RGS17: variants seen among roughly 807,000 people sequenced by gnomAD.
RGS17 encodes the protein regulator of G protein signaling 17, also known as regulator of G-protein signaling 17.
Under a neutral mutation model 25.5 loss-of-function variants are expected in RGS17, and 12 were observed. The ratio of observed to expected loss-of-function variants is 0.47; its 90% CI spans 0.30 to 0.76. RGS17 has a LOEUF of 0.76. Among genes scored for constraint, RGS17 ranks in the 30% least tolerant of loss-of-function variants. RGS17 has a pLI of 0.07. For synonymous variants in RGS17, 71 were observed against 76.9 expected, an observed-to-expected ratio of 0.92 and a Z score of 0.40; for missense variants, 196 against 242.2, an observed-to-expected ratio of 0.81 and a Z score of 1.27.
chr6:153,077,158 T>A (rs949650040), intron 1 of RGS17, among the ~76,000 whole-genome samples: 12 of 152,138 alleles, frequency 7.9e-5, no homozygotes, highest in South Asian at 6.2e-4. Context: ...CTAGACCTAA[T>A]TTTCAAGTTA....
chr6:153,129,387 T>C (rs1777750980), intron 1 of RGS17, among the ~76,000 whole-genome samples: 1 of 152,232 alleles, frequency 6.6e-6, no homozygotes, highest in Non-Finnish European at 1.5e-5. Context: ...GCATATTTCT[T>C]GGATAATACT....
At chr6:153,037,023 A>G (rs1776253542) in intron 2 of RGS17, among the ~76,000 whole-genome samples, 1 of 152,174 alleles carries the variant, frequency 6.6e-6, no homozygotes, top group African/African-American at 2.4e-5. Context: ...ATAAGGTGGA[A>G]AAGATATTTG....
chr6:153,106,923 C>G (rs886454298), intron 1 of RGS17, among the ~76,000 whole-genome samples: 1 of 152,036 alleles, frequency 6.6e-6, no homozygotes, highest in African/African-American at 2.4e-5. Flanking sequence ...CGTCAGCCAC[C>G]GTGCCTGGCT....
intron 1 of RGS17, among the ~76,000 whole-genome samples, chr6:153,084,963 T>C (rs1458928048): frequency 6.6e-6 from 1 of 152,190 alleles, no homozygotes; most frequent in Non-Finnish European, 1.5e-5. Context: ...TATTTGTAAA[T>C]AAGATAACGT....
intron 1 of RGS17, among the ~76,000 whole-genome samples, chr6:153,120,756 T>C (rs1296915068): frequency 6.6e-6 from 1 of 152,246 alleles, no homozygotes; most frequent in Non-Finnish European, 1.5e-5. Flanking sequence ...CTGCGAGTAC[T>C]GTATGCTTTT....
intron 1 of RGS17, among the ~76,000 whole-genome samples, chr6:153,110,624 A>G (rs548021049): frequency 4.5e-4 from 69 of 152,328 alleles, no homozygotes; most frequent in African/African-American, 1.5e-3. Flanking sequence ...ACACTGCTAT[A>G]AAGAAATACC....
intron 2 of RGS17, among the ~76,000 whole-genome samples, chr6:153,026,999 G>A (rs1779310509): frequency 6.6e-6 from 1 of 152,142 alleles, no homozygotes; most frequent in African/African-American, 2.4e-5. Context: ...CAATGTGTCA[G>A]AATCTAATAC....
chr6:153,098,259 G>C (rs942565149), intron 1 of RGS17, among the ~76,000 whole-genome samples: 6 of 152,104 alleles, frequency 3.9e-5, no homozygotes, highest in Admixed American at 6.6e-5. Flanking sequence ...TAGTCAGGAG[G>C]AGTTCCTGTA....
intron 1 of RGS17, among the ~76,000 whole-genome samples, chr6:153,125,857 A>T (rs1777697185): frequency 6.6e-6 from 1 of 152,212 alleles, no homozygotes; most frequent in Non-Finnish European, 1.5e-5. Context: ...AAAACAAAAC[A>T]AAAACATTTA....
chr6:153,081,462 T>C (rs1486500539), intron 1 of RGS17, among the ~76,000 whole-genome samples: 1 of 151,966 alleles, frequency 6.6e-6, no homozygotes, highest in African/African-American at 2.4e-5. Context: ...TTGTACCTTA[T>C]ATTTTAAGTG....
chr6:153,037,579 C>T (rs183777652), intron 2 of RGS17, among the ~76,000 whole-genome samples: 237 of 152,094 alleles, frequency 1.6e-3, no homozygotes, highest in Middle Eastern at 3.4e-3. Context: ...GCGCATGCCA[C>T]CACACCCGGC....
chr6:153,068,822 CAGAG>C (rs1449912511), intron 1 of RGS17, among the ~76,000 whole-genome samples: 1 of 152,096 alleles, frequency 6.6e-6, no homozygotes, highest in Non-Finnish European at 1.5e-5. Context: ...CAAAAGAAGA[CAGAG>C]AGACGGCAAA....
chr6:153,119,271 C>G (rs1295234963), intron 1 of RGS17, among the ~76,000 whole-genome samples: 1 of 152,160 alleles, frequency 6.6e-6, no homozygotes, highest in Admixed American at 6.5e-5. Flanking sequence ...GTTCATTCAC[C>G]CTCCCAGTCA....
At chr6:153,113,283 T>C (rs1325140836) in intron 1 of RGS17, among the ~76,000 whole-genome samples, 3 of 152,222 alleles carry the variant, frequency 2.0e-5, no homozygotes, top group Admixed American at 6.5e-5. Context: ...TGGCCATCCT[T>C]GTCTCTGATA....
chr6:153,071,467 TTTATG>T (rs1267792101), intron 1 of RGS17, among the ~76,000 whole-genome samples: 1 of 151,814 alleles, frequency 6.6e-6, no homozygotes, highest in African/African-American at 2.4e-5. Context: ...CAAGGTGGTT[TTTATG>T]TTGTTTTGTT....
chr6:153,060,421 T>C (rs1347114451), intron 1 of RGS17, among the ~76,000 whole-genome samples: 1 of 152,156 alleles, frequency 6.6e-6, no homozygotes, highest in Admixed American at 6.5e-5. Context: ...TTGCAGACCC[T>C]CCTGGCCTTT....
At chr6:153,112,588 C>A (rs1296612204) in intron 1 of RGS17, among the ~76,000 whole-genome samples, 1 of 152,124 alleles carries the variant, frequency 6.6e-6, no homozygotes, top group Admixed American at 6.5e-5. Context: ...CAAAGATACT[C>A]CTCGAGAAGA....
chr6:153,054,886 C>G (rs79904677), intron 1 of RGS17, among the ~76,000 whole-genome samples: 80 of 152,204 alleles, frequency 5.3e-4, no homozygotes, highest in African/African-American at 1.9e-3. Context: ...CAGATCACTC[C>G]TATTTTTCTG....
At chr6:153,044,835 C>G (rs1473108444) in intron 1 of RGS17, among the ~76,000 whole-genome samples, 1 of 152,134 alleles carries the variant, frequency 6.6e-6, no homozygotes, top group Non-Finnish European at 1.5e-5. Context: ...GAGTTGCTAC[C>G]TATTTATAGG....
Sources: allele counts gnomAD v4.1 joint callset (sites outside exome capture counted in the v4.1 genomes callset), GRCh38; gene constraint gnomAD v4.1.1; transcripts MANE v1.5; gene names NCBI Gene and HGNC (gene_info 2026-07-23, HGNC 2026-07-21).